The following ERI3 variants were observed in gnomAD, a reference collection of about 807,000 sequenced individuals.
The protein encoded by ERI3 is ERI1 exoribonuclease 3.
In ERI3, 18 loss-of-function variants were observed where a neutral mutation model predicts 44.4. That is an observed-to-expected ratio of 0.41 (90% CI 0.28 to 0.60). The LOEUF (loss-of-function observed/expected upper bound fraction) is 0.60, where lower values mean the gene tolerates loss of function less well. Among genes scored for constraint, ERI3 ranks in the 20% least tolerant of loss-of-function variants. The probability of loss-of-function intolerance (pLI) is 0.36; values close to 1 mark genes in which losing one functional copy is unlikely to be tolerated. For synonymous variants in ERI3, 183 were observed against 164.8 expected, an observed-to-expected ratio of 1.11 and a Z score of -0.84; for missense variants, 294 against 435.5, an observed-to-expected ratio of 0.68 and a Z score of 2.89.
At chr1:44,333,220 G>A (rs1438234008) in intron 3 of ERI3, among the ~76,000 whole-genome samples, 1 of 152,258 alleles carries the variant, frequency 6.6e-6, no homozygotes, top group Non-Finnish European at 1.5e-5. Context: ...GCTGTGGGAA[G>A]CATAACTTTG....
intron 5 of ERI3, among the ~76,000 whole-genome samples, chr1:44,310,973 A>AGTG (rs1645957859): frequency 4.8e-5 from 5 of 103,640 alleles, no homozygotes; most frequent in African/African-American, 1.7e-4. Context: ...GCACACACAC[A>AGTG]CACACACACA....
At chr1:44,223,818 C>T (rs1643965289) in intron 8 of ERI3, among the ~76,000 whole-genome samples, 1 of 152,192 alleles carries the variant, frequency 6.6e-6, no homozygotes, top group African/African-American at 2.4e-5. Context: ...CCTCTCCCCA[C>T]TCTACACACT....
At chr1:44,302,086 G>A (rs996824132) in intron 6 of ERI3, among the ~76,000 whole-genome samples, 1 of 152,194 alleles carries the variant, frequency 6.6e-6, no homozygotes, top group Non-Finnish European at 1.5e-5. Flanking sequence ...CAATCAGAAG[G>A]CTGCCTGGCA....
chr1:44,334,420 T>G (rs1646493053), intron 3 of ERI3, among the ~76,000 whole-genome samples: 1 of 152,150 alleles, frequency 6.6e-6, no homozygotes, highest in Non-Finnish European at 1.5e-5. Flanking sequence ...CAAAATGAAC[T>G]CCTGCTAGCG....
In ERI3 at chr1:44,221,743, A is replaced by G. The variant is rs1005702981; in HGVS notation, c.932-103T>C. On this transcript the variant is annotated intron_variant, in intron 8 of 8. Coordinates refer to ENST00000372257, the MANE Select transcript of ERI3 (RefSeq NM_024066.3). This position sits in a 1 kb window ranked among gnomAD's most constrained non-coding sequence, Gnocchi z 5.9. ...GGTGGGAAGCAGGGTCAGATTCAGGAGACACAGGCTTTAGAGAGGGTGGTC... is the reference window on the plus strand; with the variant it reads ...GGTGGGAAGCAGGGTCAGATTCAGGGGACACAGGCTTTAGAGAGGGTGGTC... 5 of 909,344 alleles carry G rather than the reference A, an allele frequency of 5.5e-6. No homozygotes were observed. The Admixed American group carries it at 9.7e-5, about 18-fold the overall frequency. The allele number at this position is 909,344 out of a possible 1,614,324, so 56.3% of individuals were successfully genotyped here.
chr1:44,292,444 C>T (rs1425317631), intron 6 of ERI3, among the ~76,000 whole-genome samples: 1 of 152,172 alleles, frequency 6.6e-6, no homozygotes, highest in Non-Finnish European at 1.5e-5. Flanking sequence ...GACCCAGGAC[C>T]CTCAGACAGA....
chr1:44,231,992 C>T (rs1644195857), intron 8 of ERI3, among the ~76,000 whole-genome samples: 1 of 152,128 alleles, frequency 6.6e-6, no homozygotes, highest in African/African-American at 2.4e-5. Context: ...CCTATGAAGA[C>T]CATGCTGAAG....
Position 44,308,363 on chromosome 1 carries a change from A to T in ERI3, c.705T>A (p.Asp235Glu). The change falls in exon 6 of 9, where the codon GAT (aspartate) becomes GAA (glutamate). Residue 235 changes from aspartate to glutamate, a missense_variant. Coordinates refer to ENST00000372257, the MANE Select transcript of ERI3 (RefSeq NM_024066.3). ...TGACAAAAATTGACTTGACGTTTGG[A>T]TCTAAGAGGCCTTCCTTCGCCATCC... ...DEWMAKEGLL[D>E]PNVKSIFVTC... is the part of the protein sequence containing the mutation. 6.2e-7 allele frequency: 1 copy of T among 1,614,204 alleles called. No individual in the cohort carries two copies. The highest frequency in any genetic ancestry group is 8.5e-7 in the Non-Finnish European group (1 of 1,180,018).
intron 6 of ERI3, among the ~76,000 whole-genome samples, chr1:44,306,416 G>A (rs1031001479): frequency 2.0e-5 from 3 of 152,108 alleles, no homozygotes; most frequent in South Asian, 4.2e-4. Flanking sequence ...GTGCGGATGC[G>A]GTAAGGTATG....
intron 4 of ERI3, among the ~76,000 whole-genome samples, chr1:44,313,602 A>G (rs1350805011): frequency 6.6e-6 from 1 of 152,188 alleles, no homozygotes. Context: ...TACAGTCTCA[A>G]GTAAATTCAG....
intron 8 of ERI3, among the ~76,000 whole-genome samples, chr1:44,233,928 T>C (rs1644245009): frequency 6.6e-6 from 1 of 152,192 alleles, no homozygotes. Flanking sequence ...ATGATCCCTA[T>C]GACTCATGAG....
intron 4 of ERI3, among the ~76,000 whole-genome samples, chr1:44,313,719 C>T (rs1646022490): frequency 6.6e-6 from 1 of 152,096 alleles, no homozygotes; most frequent in Non-Finnish European, 1.5e-5. Flanking sequence ...TCCAGCACTG[C>T]CCCCTCCCAC....
chr1:44,324,364 C>G lies in ERI3; in HGVS notation c.490-4620G>C, dbSNP rs77431299. 3.1e-3 allele frequency among the ~76,000 whole-genome samples: 477 copies of G among 152,148 alleles called. 2 individuals are homozygous for G. The highest frequency in any genetic ancestry group is 5.2e-3 in the Admixed American group (80 of 15,286). On this transcript the variant is annotated intron_variant, in intron 3 of 8. Transcript: ENST00000372257. ...AAGCACTTTCTACTAGATCTACTCT[C>G]ATCTCTGAGTGGTTTCCTCCCTGAA...
intron 7 of ERI3, among the ~76,000 whole-genome samples, chr1:44,282,964 T>G (rs952112973): frequency 6.6e-6 from 1 of 152,194 alleles, no homozygotes; most frequent in Non-Finnish European, 1.5e-5. Flanking sequence ...CGTTACCACA[T>G]GGGTCGGCTG....
chr1:44,281,684 A>G (rs1057048014), intron 7 of ERI3, among the ~76,000 whole-genome samples: 1 of 149,626 alleles, frequency 6.7e-6, no homozygotes, highest in Non-Finnish European at 1.5e-5. Flanking sequence ...TGTTATCTTT[A>G]TACTTTATGA....
chr1:44,352,743 A>G, intron 2 of ERI3, 107 bp downstream of exon 2: 1 of 1,191,704 alleles, frequency 8.4e-7, no homozygotes, highest in East Asian at 2.4e-5. Context: ...CTTTGGGGAT[A>G]CATGGGAAAA....
chr1:44,248,849 G>C, intron 7 of ERI3, among the ~76,000 whole-genome samples: 1 of 152,072 alleles, frequency 6.6e-6, no homozygotes, highest in South Asian at 2.1e-4. Context: ...TGGGGGCATC[G>C]ATCTGCTCAG....
At chr1:44,294,088 G>A (rs1645562722) in intron 6 of ERI3, among the ~76,000 whole-genome samples, 1 of 152,214 alleles carries the variant, frequency 6.6e-6, no homozygotes, top group Non-Finnish European at 1.5e-5. Context: ...TGCTGTGCAG[G>A]GGGCAAATGA....
intron 7 of ERI3, among the ~76,000 whole-genome samples, chr1:44,259,809 G>A (rs572922690): frequency 6.6e-6 from 1 of 151,932 alleles, no homozygotes; most frequent in South Asian, 2.1e-4. Context: ...AAGCCCAGGG[G>A]GTTGAGGCTG....
Sources: gnomAD v4.1 joint callset for allele counts (sites outside exome capture counted in the v4.1 genomes callset) on GRCh38, gnomAD v4.1.1 for gene constraint, Gnocchi (gnomAD v3.1) non-coding constraint, MANE v1.5 for transcripts, NCBI Gene and HGNC (gene_info 2026-07-23, HGNC 2026-07-21) for gene names.